The following TP53BP1 variants were observed in gnomAD, a reference collection of about 807,000 sequenced individuals.
TP53BP1 encodes TP53-binding protein 1.
A neutral mutation model predicts 200.8 loss-of-function variants in TP53BP1; 61 were observed. The observed-to-expected ratio is 0.30, with a 90% CI of 0.25 to 0.38. TP53BP1 has a LOEUF of 0.38. Among genes scored for constraint, TP53BP1 ranks in the 10% least tolerant of loss-of-function variants. The pLI, the probability that TP53BP1 is intolerant of heterozygous loss-of-function variation, is 1.00. For missense variants in TP53BP1, 2,144 were observed against 2,371.9 expected (o/e 0.90, Z 2.00); for synonymous variants, 822 against 844.3 (o/e 0.97, Z 0.46).
chr15:43,471,377 TA>T (rs1281472173), intron 10 of TP53BP1, among the ~76,000 whole-genome samples: 4 of 152,160 alleles, frequency 2.6e-5, no homozygotes, highest in Non-Finnish European at 5.9e-5. Flanking sequence ...TAATTTCCTA[TA>T]TACTTAACAA....
intron 1 of TP53BP1, among the ~76,000 whole-genome samples, chr15:43,507,123 G>C (rs986860365): frequency 1.8e-4 from 28 of 151,602 alleles, no homozygotes; most frequent in Non-Finnish European, 2.9e-5. Context: ...GTTTGTTTGT[G>C]CATTTTGTCC....
chr15:43,425,639 T>C (rs1449199795), intron 18 of TP53BP1, among the ~76,000 whole-genome samples: 1 of 150,518 alleles, frequency 6.6e-6, no homozygotes. Flanking sequence ...AAATAAAAAA[T>C]ATATTTTAAG....
In TP53BP1 at chr15:43,421,053, G is replaced by A. The variant is rs2045384779; in HGVS notation, c.4222C>T (p.Arg1408Cys). The A allele has an allele frequency of 1.2e-6, 2 of 1,613,772 alleles. No individual in the cohort carries two copies. Among genetic ancestry groups the A allele is most frequent in the Non-Finnish European group, 1.7e-6 (2 of 1,179,880 alleles). ...GTTCCAGTGGTCCGAGAAGGTGGGC[G>A]GCCCCTTCGCCCACGCCCACGAGGC... is the stretch of plus-strand genomic sequence containing the variant. ...VTPRGRGRRG[R>C]PPSRTTGTRE... Residue 1408 changes from arginine (R) to cysteine (C), a missense_variant, in exon 20 of 28, where the codon CGC becomes TGC. By Grantham distance (180) the Arg-to-Cys change is radical. Transcript: ENST00000382044.
chr15:43,459,006 G>C (rs933626576), intron 11 of TP53BP1, among the ~76,000 whole-genome samples: 37 of 152,096 alleles, frequency 2.4e-4, no homozygotes, highest in Admixed American at 8.5e-4. Context: ...CCCACAGAAA[G>C]ATGTGCATCC....
chr15:43,501,978 G>A (rs2079211535), intron 1 of TP53BP1, among the ~76,000 whole-genome samples: 1 of 152,148 alleles, frequency 6.6e-6, no homozygotes, highest in Non-Finnish European at 1.5e-5. Flanking sequence ...TGGGTCATAG[G>A]ATGTGTGCTC....
In TP53BP1 at chr15:43,480,915, G is replaced by T; in HGVS notation, c.479C>A (p.Thr160Lys). 6.2e-7 allele frequency: 1 copy of T among 1,614,124 alleles called. No individual in the cohort carries two copies. The highest frequency in any genetic ancestry group is 1.1e-5 in the South Asian group (1 of 91,086). Residue 160 changes from threonine to lysine, a missense_variant, in exon 5 of 28, where the codon ACA (threonine) becomes AAA (lysine). This residue lies in a region of TP53BP1 where 1,700 missense variants were observed against 1,710.3 expected (regional missense o/e 0.99). Transcript: ENST00000382044. ...EKEEDTSGNT[T>K]HSLGAEDTAS... The stretch of plus-strand genomic sequence containing the variant: ...GCTACCTTCAGCACCAAGGGAATGT[G>T]TAGTATTGCCTGAAGTATCTTCTTC...
Position 43,404,877 on chromosome 15 carries a change from TTGCTGGTCCCTAGCTTCCGCATC to T in TP53BP1, c.*2483_*2505del. 1 of 489,568 alleles carries T rather than the reference TTGCTGGTCCCTAGCTTCCGCATC, an allele frequency of 2.0e-6. No homozygotes were observed. The highest frequency in any genetic ancestry group is 3.6e-6 in the Non-Finnish European group (1 of 277,132). 30.3% of individuals were successfully genotyped at this position (489,568 alleles called of 1,614,324 possible). ...GCTGTGCAGCCGTGGGCACCCCGCC[TTGCTGGTCCCTAGCTTCCGCATC>T]TGTGAAAGGAGGCGACCACCCCTTC... On this transcript the variant is annotated 3_prime_UTR_variant, in exon 28 of 28. Transcript: ENST00000382044.
chr15:43,417,801 G>C (rs2045302014), intron 21 of TP53BP1, among the ~76,000 whole-genome samples: 1 of 152,128 alleles, frequency 6.6e-6, no homozygotes. Flanking sequence ...AGGTGAAGTG[G>C]CCCATTTAAT....
Position 43,413,142 on chromosome 15 carries a change from G to A in TP53BP1, c.5282C>T (p.Thr1761Ile), listed in dbSNP as rs780943904. 4 of 1,614,170 alleles carry A rather than the reference G, an allele frequency of 2.5e-6. No individual in the cohort carries two copies. The highest frequency in any genetic ancestry group is 3.3e-5 in the Admixed American group (2 of 60,014). Residue 1761 changes from threonine (T) to isoleucine (I), a missense_variant, in exon 24 of 28, where the codon ACA (threonine) becomes ATA (isoleucine). Coordinates refer to ENST00000382044, the MANE Select transcript of TP53BP1 (RefSeq NM_001141980.3). The part of the protein sequence containing the change: ...ASRSKLPDGP[T>I]GSSEEEEEFL... ...ACCCTCCTCTTCTTCACTGCTTCCT[G>A]TAGGACCATCTGGCAGTTTGGAGCG...
chr15:43,473,511 G>A lies in TP53BP1; in HGVS notation c.1180+1162C>T, dbSNP rs186544026. On this transcript the variant is annotated intron_variant, in intron 10 of 27. Coordinates refer to ENST00000382044, the MANE Select transcript of TP53BP1 (RefSeq NM_001141980.3). ...GTCCATTGGTACATTCACAAACCCT[G>A]AGCTAGACACAGGGTGCTGATTGGT... Among the ~76,000 whole-genome samples the A allele has an allele frequency of 2.0e-3, 310 of 152,186 alleles. 2 individuals carry two copies. Among genetic ancestry groups the A allele is most frequent in the African/African-American group, 7.0e-3 (291 of 41,520 alleles).
chr15:43,447,501 A>G lies in TP53BP1; in HGVS notation c.2717-16T>C, dbSNP rs769959764. 5.4e-6 allele frequency: 8 copies of G among 1,485,702 alleles called. No homozygotes were observed. Among genetic ancestry groups the G allele is most frequent in the African/African-American group, 2.9e-5 (2 of 69,462 alleles). The allele number at this position is 1,485,702 out of a possible 1,614,324, so 92.0% of individuals were successfully genotyped here. On this transcript the variant is annotated splice_polypyrimidine_tract_variant and intron_variant, in intron 12 of 27. Transcript: ENST00000382044. ...AATGGGGTTTCTGAAAAAAAAAAAA[A>G]AAAGAAAAAAGAAAGAAAGAAAAAA...
At chr15:43,501,222 G>C (rs542459046) in intron 1 of TP53BP1, among the ~76,000 whole-genome samples, 3 of 147,078 alleles carry the variant, frequency 2.0e-5, no homozygotes, top group African/African-American at 7.7e-5. Context: ...TTTTTTAAGA[G>C]ACAGGGTCTT....
chr15:43,432,057 T>G, intron 17 of TP53BP1, 137 bp downstream of exon 17: 2 of 1,213,642 alleles, frequency 1.6e-6, no homozygotes, highest in East Asian at 4.7e-5. Flanking sequence ...TTAGAAAAGT[T>G]GTTTTTGTCT....
At chr15:43,422,867 C>A (rs945306425) in intron 18 of TP53BP1, among the ~76,000 whole-genome samples, 1 of 151,574 alleles carries the variant, frequency 6.6e-6, no homozygotes, top group Non-Finnish European at 1.5e-5. Context: ...TGGGAGTGCA[C>A]ACCTGTAGTC....
chr15:43,492,244 A>C, intron 2 of TP53BP1, 40 bp downstream of exon 2: 1 of 1,579,396 alleles, frequency 6.3e-7, no homozygotes, highest in Non-Finnish European at 8.6e-7. Context: ...GTTTAAAAAA[A>C]AAAATCTGCT....
At chr15:43,494,599 C>A (rs544792548), upstream of TP53BP1, among the ~76,000 whole-genome samples, 1 of 152,306 alleles carries the variant, frequency 6.6e-6, no homozygotes, top group East Asian at 1.9e-4. Flanking sequence ...ATAATTGACT[C>A]TTTTCATACT....
At chr15:43,503,702 C>G (rs2079221602) in intron 1 of TP53BP1, among the ~76,000 whole-genome samples, 1 of 152,098 alleles carries the variant, frequency 6.6e-6, no homozygotes, top group Admixed American at 6.5e-5. Flanking sequence ...TTCCTTCCCT[C>G]TCTCCTTCCA....
At chr15:43,444,612 G>C (rs1450072227) in intron 14 of TP53BP1, among the ~76,000 whole-genome samples, 1 of 152,130 alleles carries the variant, frequency 6.6e-6, no homozygotes, top group Non-Finnish European at 1.5e-5. Flanking sequence ...CTGTGCCTCA[G>C]TTTCCTCATC....
chr15:43,461,817 C>T (rs2046440696), intron 11 of TP53BP1, among the ~76,000 whole-genome samples: 1 of 151,384 alleles, frequency 6.6e-6, no homozygotes, highest in South Asian at 2.1e-4. Flanking sequence ...TACAGGTGCC[C>T]GCCACCACAC....
Sources: gnomAD v4.1 joint callset for allele counts (sites outside exome capture counted in the v4.1 genomes callset) on GRCh38, gnomAD v4.1.1 for gene constraint, gnomAD v4.1.1 regional missense constraint, MANE v1.5 for transcripts, NCBI Gene and HGNC (gene_info 2026-07-23, HGNC 2026-07-21) for gene names.